The following TNRC6A variants were observed in gnomAD, a reference collection of about 807,000 sequenced individuals.
TNRC6A encodes trinucleotide repeat containing adaptor 6A.
TNRC6A carries 44 observed loss-of-function variants against 221.2 expected under a neutral mutation model. That is an observed-to-expected ratio of 0.20 (90% CI 0.16 to 0.26). The LOEUF is 0.26. Ranked by LOEUF, TNRC6A falls within the 10% of genes least tolerant of loss-of-function variation. TNRC6A has a pLI of 1.00. For synonymous variants in TNRC6A, 847 were observed against 838.5 expected (o/e 1.01, Z -0.18); for missense variants, 2,199 against 2,404.4 (o/e 0.91, Z 1.79).
intron 18 of TNRC6A, among the ~76,000 whole-genome samples, chr16:24,809,859 G>C (rs1376550593): frequency 1.3e-5 from 2 of 152,162 alleles, no homozygotes; most frequent in Admixed American, 1.3e-4. Flanking sequence ...CGTCACCCAG[G>C]CTGGAATGCA....
chr16:24,654,627 G>C (rs530156379), intron 2 of TNRC6A, among the ~76,000 whole-genome samples: 1 of 151,994 alleles, frequency 6.6e-6, no homozygotes, highest in Admixed American at 6.6e-5. Flanking sequence ...GCTGAGGCAG[G>C]AGAATCACTT....
At chr16:24,807,280 C>T (rs1227701130) in intron 17 of TNRC6A, among the ~76,000 whole-genome samples, 4 of 152,232 alleles carry the variant, frequency 2.6e-5, no homozygotes, top group Non-Finnish European at 5.9e-5. Context: ...GTTGGGATTA[C>T]AGGCATGAGC....
chr16:24,778,372 T>A (rs2057770496), intron 5 of TNRC6A: 1 of 982,796 alleles, frequency 1.0e-6, no homozygotes, highest in Admixed American at 6.1e-5. Flanking sequence ...TGGACTCACA[T>A]CAAGATCTGT....
intron 2 of TNRC6A, among the ~76,000 whole-genome samples, chr16:24,664,609 TATA>T (rs980814675): frequency 5.3e-4 from 73 of 137,390 alleles, no homozygotes; most frequent in African/African-American, 2.0e-3. Flanking sequence ...TATTTTAAAA[TATA>T]ATAAATATAA....
intron 2 of TNRC6A, among the ~76,000 whole-genome samples, chr16:24,671,400 G>T (rs2055298864): frequency 6.6e-6 from 1 of 152,192 alleles, no homozygotes; most frequent in African/African-American, 2.4e-5. Flanking sequence ...CATTGACGCG[G>T]CTTGGACTCT....
intron 1 of TNRC6A, among the ~76,000 whole-genome samples, chr16:24,624,759 C>G (rs550944971): frequency 6.6e-6 from 1 of 152,222 alleles, no homozygotes; most frequent in South Asian, 2.1e-4. Context: ...GCTGGGATTA[C>G]AGGCATGAGC....
intron 5 of TNRC6A, among the ~76,000 whole-genome samples, chr16:24,780,921 G>A (rs17771137): frequency 0.26 from 39,942 of 151,640 alleles, 5,447 homozygotes; most frequent in Middle Eastern, 0.33. Context: ...CTTTTAGCAC[G>A]GTGTACCTCC....
At chr16:24,708,812 C>T (rs1241697745) in intron 2 of TNRC6A, among the ~76,000 whole-genome samples, 1 of 152,174 alleles carries the variant, frequency 6.6e-6, no homozygotes, top group East Asian at 1.9e-4. Context: ...AACCAAGTTG[C>T]TGCAAAAGAC....
intron 2 of TNRC6A, among the ~76,000 whole-genome samples, chr16:24,660,730 T>C (rs1450806739): frequency 7.6e-6 from 1 of 132,140 alleles, no homozygotes; most frequent in Non-Finnish European, 1.5e-5. Flanking sequence ...TCTTTTTTCT[T>C]TTTTTTTTCT....
intron 4 of TNRC6A, among the ~76,000 whole-genome samples, chr16:24,763,014 A>G (rs1258983643): frequency 6.6e-6 from 1 of 152,128 alleles, no homozygotes; most frequent in Non-Finnish European, 1.5e-5. Context: ...GCACCAGTAT[A>G]ATTTTGTGAA....
rs375784120 is a variant in TNRC6A, at chr16:24,762,245, A to AT, written c.163+3891dup. Among the ~76,000 whole-genome samples the AT allele has an allele frequency of 1.5e-3, 225 of 152,330 alleles. 1 individual carries two copies. The highest frequency in any genetic ancestry group is 5.1e-3 in the African/African-American group (214 of 41,574). Reference sequence around the variant, plus strand: ...TTTTCCTGCCACAATTGGCACAGTTATTTTTTATCAATTCTAGCCTTAATA... The same window carrying AT: ...TTTTCCTGCCACAATTGGCACAGTTATTTTTTTATCAATTCTAGCCTTAATA... On this transcript the variant is annotated intron_variant, in intron 4 of 24. Transcript: ENST00000395799.
chr16:24,639,855 C>T (rs944775946), intron 1 of TNRC6A, among the ~76,000 whole-genome samples: 2 of 152,146 alleles, frequency 1.3e-5, no homozygotes, highest in Non-Finnish European at 2.9e-5. Context: ...TGAGGCTTCA[C>T]TATGTTGCCC....
At chr16:24,714,466 A>G (rs1464164524) in intron 2 of TNRC6A, among the ~76,000 whole-genome samples, 10 of 150,820 alleles carry the variant, frequency 6.6e-5, no homozygotes, top group African/African-American at 2.2e-4. Context: ...CCACCACCAA[A>G]CCCGGCTAAT....
intron 18 of TNRC6A, among the ~76,000 whole-genome samples, chr16:24,810,854 A>C (rs1256664880): frequency 6.6e-6 from 1 of 152,216 alleles, no homozygotes; most frequent in Non-Finnish European, 1.5e-5. Context: ...CATGAGAGGG[A>C]GTACACTGCA....
chr16:24,646,981 T>C (rs761350948), intron 2 of TNRC6A, among the ~76,000 whole-genome samples: 10 of 142,220 alleles, frequency 7.0e-5, no homozygotes, highest in Non-Finnish European at 1.2e-4. Context: ...CAGGCTGGAG[T>C]GTGGTGGTGC....
intron 4 of TNRC6A, 85 bp from the exon 5 acceptor site, chr16:24,776,848 T>G: frequency 6.6e-7 from 1 of 1,524,776 alleles, no homozygotes; most frequent in Non-Finnish European, 8.8e-7. Flanking sequence ...TTATTTTTCT[T>G]AGTGCCTTTG....
At chr16:24,627,608 GC>G (rs1315801672) in intron 1 of TNRC6A, among the ~76,000 whole-genome samples, 1 of 151,476 alleles carries the variant, frequency 6.6e-6, no homozygotes, top group Non-Finnish European at 1.5e-5. Context: ...CCCTGGTTCT[GC>G]CATTGATTTG....
intron 1 of TNRC6A, among the ~76,000 whole-genome samples, 153 bp from the exon 2 acceptor site, chr16:24,730,100 C>G (rs2056589520): frequency 6.7e-6 from 1 of 150,372 alleles, no homozygotes; most frequent in Non-Finnish European, 1.5e-5. Context: ...CGGGCTGCAG[C>G]CCCGCAGCTT....
intron 4 of TNRC6A, 144 bp from the exon 5 acceptor site, chr16:24,776,789 C>CT (rs2057727510): frequency 6.8e-7 from 1 of 1,460,294 alleles, no homozygotes; most frequent in South Asian, 1.5e-5. Context: ...AAATTTGAGC[C>CT]TGTAAATGAG....
Sources: gnomAD v4.1 joint callset for allele counts (sites outside exome capture counted in the v4.1 genomes callset) on GRCh38, gnomAD v4.1.1 for gene constraint, MANE v1.5 for transcripts, NCBI Gene and HGNC (gene_info 2026-07-23, HGNC 2026-07-21) for gene names.